The following CAMKK1 variants were observed in gnomAD, a reference collection of about 807,000 sequenced individuals.
CAMKK1 encodes the protein calcium/calmodulin dependent protein kinase kinase 1, also known as calcium/calmodulin-dependent protein kinase kinase 1.
CAMKK1 carries 20 observed loss-of-function variants against 63.5 expected under a neutral mutation model. That is an observed-to-expected ratio of 0.32 (90% confidence interval 0.22 to 0.46). The LOEUF is 0.46. Ranked by LOEUF, CAMKK1 falls within the 20% of genes least tolerant of loss-of-function variation. The pLI is 1.00. For missense variants in CAMKK1, 588 were observed against 658.1 expected (o/e 0.89, Z 1.17); for synonymous variants, 253 against 269.0 (o/e 0.94, Z 0.58).
At chr17:3,891,968 A>G (rs746753229) in intron 1 of CAMKK1, among the ~76,000 whole-genome samples, 5 of 152,102 alleles carry the variant, frequency 3.3e-5, no homozygotes, top group Non-Finnish European at 7.4e-5. Context: ...GAAGAGGCGA[A>G]GGGTCCCCAG....
In CAMKK1 at chr17:3,883,290, G is replaced by A. The variant is rs2055496230; in HGVS notation, c.515-115C>T. 2.0e-6 allele frequency: 3 copies of A among 1,508,846 alleles called. No individual in the cohort carries two copies. The East Asian group carries it at 6.8e-5, about 34-fold the overall frequency. The allele number at this position is 1,508,846 out of a possible 1,614,324, so 93.5% of individuals were successfully genotyped here. Reference sequence around the variant, plus strand: ...GCCCGTGGTCTTGTCCCAACCCACAGGGCACATTCTGTCCCCAGGCCTCTG... The same window carrying A: ...GCCCGTGGTCTTGTCCCAACCCACAAGGCACATTCTGTCCCCAGGCCTCTG... On this transcript the variant is annotated intron_variant, in intron 5 of 15. Coordinates refer to ENST00000348335, the MANE Select transcript of CAMKK1 (RefSeq NM_032294.3). This position sits in a 1 kb window ranked among gnomAD's most constrained non-coding sequence, Gnocchi z 4.7.
At position 3,892,083 on chromosome 17, in the gene CAMKK1, G is replaced by T. The variant is rs116109320; in HGVS notation, c.-44+856C>A. Among the ~76,000 whole-genome samples the T allele has an allele frequency of 3.0e-3, 459 of 151,822 alleles. 4 individuals carry two copies. The highest frequency in any genetic ancestry group is 0.011 in the African/African-American group (435 of 41,180). On this transcript the variant is annotated intron_variant, in intron 1 of 15. Coordinates refer to ENST00000348335, the MANE Select transcript of CAMKK1 (RefSeq NM_032294.3). The surrounding 1 kb of genome is among the most constrained non-coding windows in gnomAD (Gnocchi z 7.5). The stretch of plus-strand genomic sequence containing the variant: ...CCACTTCCCTGGGATCCTCCAGCGC[G>T]CACAGGCTGTGTGCCCCTCCCACAC...
Position 3,892,994 on chromosome 17 carries a change from T to TGCGCG in CAMKK1, c.-104_-100dup, listed in dbSNP as rs2055959482. The TGCGCG allele has an allele frequency of 6.9e-6, 1 of 145,984 alleles. No individual in the cohort carries two copies. Among genetic ancestry groups the TGCGCG allele is most frequent in the South Asian group, 1.9e-4 (1 of 5,276 alleles). 9.0% of individuals were successfully genotyped at this position (145,984 alleles called of 1,614,324 possible). Reference sequence around the variant, plus strand: ...GGCGGGCGGCCCCACTCGCTCCTGCTGCGCGCCCCGCCCCGCCCCGCCCCG... The same window carrying TGCGCG: ...GGCGGGCGGCCCCACTCGCTCCTGCTGCGCGGCGCGCCCCGCCCCGCCCCGCCCCG... On this transcript the variant is annotated 5_prime_UTR_variant, in exon 1 of 16. Coordinates refer to ENST00000348335, the MANE Select transcript of CAMKK1 (RefSeq NM_032294.3). This position sits in a 1 kb window ranked among gnomAD's most constrained non-coding sequence, Gnocchi z 7.5.
chr17:3,881,889 T>C, intron 7 of CAMKK1: 1 of 550,028 alleles, frequency 1.8e-6, no homozygotes, highest in Non-Finnish European at 3.2e-6. Context: ...CATGGGGCCC[T>C]TTTACAGAGG....
chr17:3,889,391 G>T lies in CAMKK1; in HGVS notation c.-44+3548C>A, dbSNP rs1028319809. Among the ~76,000 whole-genome samples the T allele has an allele frequency of 2.0e-5, 3 of 152,140 alleles. No homozygotes were observed. The highest frequency in any genetic ancestry group is 7.2e-5 in the African/African-American group (3 of 41,408). On this transcript the variant is annotated intron_variant, in intron 1 of 15. Transcript: ENST00000348335. The surrounding 1 kb of genome is among the most constrained non-coding windows in gnomAD (Gnocchi z 5.2). Reference sequence around the variant, plus strand: ...GCATGGGCACTGGCTTAGTCCTGCGGCCGTGAACAGCCAGACTCAAGCCCT... The same window carrying T: ...GCATGGGCACTGGCTTAGTCCTGCGTCCGTGAACAGCCAGACTCAAGCCCT...
chr17:3,880,042 GC>G (rs2055338333), intron 9 of CAMKK1: 1 of 377,192 alleles, frequency 2.7e-6, no homozygotes, highest in Non-Finnish European at 4.9e-6. Flanking sequence ...ATCTCTTGAA[GC>G]CCCGTGGCAA....
intron 9 of CAMKK1, among the ~76,000 whole-genome samples, chr17:3,877,923 A>G (rs1312388672): frequency 6.6e-6 from 1 of 151,722 alleles, no homozygotes; most frequent in African/African-American, 2.4e-5. Flanking sequence ...GTGCAATAAC[A>G]TGTCTAATTC....
Position 3,882,206 on chromosome 17 carries a change from G to T in CAMKK1, c.685+322C>A. 1 of 1,320,894 alleles carries T rather than the reference G, an allele frequency of 7.6e-7. No homozygotes were observed. The highest frequency in any genetic ancestry group is 1.1e-6 in the Non-Finnish European group (1 of 937,632). The allele number at this position is 1,320,894 out of a possible 1,614,324, so 81.8% of individuals were successfully genotyped here. A position where few individuals can be genotyped will look rare whatever the true frequency, so the allele number is the denominator to read the frequency against. On this transcript the variant is annotated intron_variant, in intron 7 of 15. Coordinates refer to ENST00000348335, the MANE Select transcript of CAMKK1 (RefSeq NM_032294.3). This position sits in a 1 kb window ranked among gnomAD's most constrained non-coding sequence, Gnocchi z 4.3. Reference sequence around the variant, plus strand: ...CTGTTTTATAGGTGGGAAAACTGAGGCACAGAGCTACAGTGTCTGGGAACC... The same window carrying T: ...CTGTTTTATAGGTGGGAAAACTGAGTCACAGAGCTACAGTGTCTGGGAACC...
chr17:3,882,415 G>A lies in CAMKK1; in HGVS notation c.685+113C>T. ...GCTTCAGAACGTGTGTTTTTCTTCT[G>A]TCCCCAGGAGGTCAGTGCATTTACA... On this transcript the variant is annotated intron_variant, in intron 7 of 15. Transcript: ENST00000348335. This position sits in a 1 kb window ranked among gnomAD's most constrained non-coding sequence, Gnocchi z 4.3. The A allele has an allele frequency of 1.3e-6, 2 of 1,587,228 alleles. No homozygotes were observed. Among genetic ancestry groups the A allele is most frequent in the Non-Finnish European group, 1.7e-6 (2 of 1,155,764 alleles).
chr17:3,870,321 C>A (rs1205208044), intron 12 of CAMKK1, among the ~76,000 whole-genome samples: 1 of 151,900 alleles, frequency 6.6e-6, no homozygotes, highest in East Asian at 1.9e-4. Context: ...AGGGAGCAGC[C>A]CCCTCAGCGC....
Position 3,880,450 on chromosome 17 carries a change from C to G in CAMKK1, c.708-16G>C. The stretch of plus-strand genomic sequence containing the variant: ...CATGACGGGCCTATGGAGAAGGATG[C>G]GGGGAGGGGCATTCAGCTGAAATCA... On this transcript the variant is annotated splice_polypyrimidine_tract_variant and intron_variant, in intron 8 of 15. Coordinates refer to ENST00000348335, the MANE Select transcript of CAMKK1 (RefSeq NM_032294.3). 1 of 1,604,896 alleles carries G rather than the reference C, an allele frequency of 6.2e-7. No individual in the cohort carries two copies. The highest frequency in any genetic ancestry group is 8.5e-7 in the Non-Finnish European group (1 of 1,173,984).
intron 9 of CAMKK1, among the ~76,000 whole-genome samples, chr17:3,876,853 G>A (rs2055186644): frequency 6.6e-6 from 1 of 151,448 alleles, no homozygotes; most frequent in African/African-American, 2.4e-5. Flanking sequence ...CACCTCCCAG[G>A]TTCAAGAGAT....
At chr17:3,869,019 A>T (rs1484949403) in intron 14 of CAMKK1, among the ~76,000 whole-genome samples, 1 of 146,166 alleles carries the variant, frequency 6.8e-6, no homozygotes, top group Non-Finnish European at 1.5e-5. Flanking sequence ...CCCAGGCTGG[A>T]GTGCAGTGGC....
At position 3,861,973 on chromosome 17, in the gene CAMKK1, G is replaced by T; in HGVS notation, c.*238C>A. On this transcript the variant is annotated 3_prime_UTR_variant, in exon 16 of 16. Transcript: ENST00000348335. Reference sequence around the variant, plus strand: ...CCACAGAATGGGTCAGGCCAAGGAGGTCCAAGAAGAGGAGGATGGCCTCGT... The same window carrying T: ...CCACAGAATGGGTCAGGCCAAGGAGTTCCAAGAAGAGGAGGATGGCCTCGT... The T allele has an allele frequency of 1.7e-6, 1 of 574,276 alleles. No individual in the cohort carries two copies. Among genetic ancestry groups the T allele is most frequent in the South Asian group, 2.1e-5 (1 of 48,606 alleles). The allele number at this position is 574,276 out of a possible 1,614,324, so 35.6% of individuals were successfully genotyped here. A position where few individuals can be genotyped will look rare whatever the true frequency, so the allele number is the denominator to read the frequency against.
intron 11 of CAMKK1, 133 bp downstream of exon 11, chr17:3,873,274 TTC>T (rs1367752799): frequency 2.6e-6 from 2 of 771,228 alleles, no homozygotes; most frequent in Non-Finnish European, 4.4e-6. Flanking sequence ...AAAAAGCCTC[TTC>T]TCTCTCAGCC....
In CAMKK1 at chr17:3,861,904, C is replaced by T. The variant is rs1015702507; in HGVS notation, c.*307G>A. On this transcript the variant is annotated 3_prime_UTR_variant, in exon 16 of 16. Transcript: ENST00000348335. ...TGCCTCCTGCCCCAGGCCATGCCAA[C>T]CAGCCGGGTGGCATTTCTGAGGCTC... 6 of 416,178 alleles carry T rather than the reference C, an allele frequency of 1.4e-5. No individual in the cohort carries two copies. Among genetic ancestry groups the T allele is most frequent in the Admixed American group, 3.6e-5 (1 of 27,430 alleles). 25.8% of individuals were successfully genotyped at this position (416,178 alleles called of 1,614,324 possible). A position where few individuals can be genotyped will look rare whatever the true frequency, so the allele number is the denominator to read the frequency against.
chr17:3,868,960 C>T (rs1358686466), intron 14 of CAMKK1, among the ~76,000 whole-genome samples: 3 of 146,350 alleles, frequency 2.0e-5, no homozygotes, highest in African/African-American at 7.7e-5. Flanking sequence ...GTATTTCTTT[C>T]TTTTCTTTTC....
At position 3,862,916 on chromosome 17, in the gene CAMKK1, C is replaced by A. The variant is rs1160607848; in HGVS notation, c.1446-633G>T. Among the ~76,000 whole-genome samples the A allele has an allele frequency of 6.6e-6, 1 of 152,176 alleles. No individual in the cohort carries two copies. The highest frequency in any genetic ancestry group is 2.1e-4 in the South Asian group (1 of 4,838). On this transcript the variant is annotated intron_variant, in intron 15 of 15. Transcript: ENST00000348335. This position sits in a 1 kb window ranked among gnomAD's most constrained non-coding sequence, Gnocchi z 4.1. ...CCTCCTAAAGTGTTGGGATTGCAGG[C>A]GTGAGCCACCGTGCCCGGCCTGAGG...
chr17:3,891,111 G>C (rs375553773), intron 1 of CAMKK1, among the ~76,000 whole-genome samples: 8 of 125,896 alleles, frequency 6.4e-5, no homozygotes, highest in Admixed American at 3.2e-4. Context: ...GGCAAGGTTG[G>C]GGGGGGGGTC....
Sources: gnomAD v4.1 joint callset for allele counts (sites outside exome capture counted in the v4.1 genomes callset) on GRCh38, gnomAD v4.1.1 for gene constraint, Gnocchi (gnomAD v3.1) non-coding constraint, MANE v1.5 for transcripts, NCBI Gene and HGNC (gene_info 2026-07-23, HGNC 2026-07-21) for gene names.